SPAG16: variants seen among roughly 807,000 people sequenced by gnomAD.
The protein encoded by SPAG16 is sperm associated antigen 16.
A neutral mutation model predicts 80.4 loss-of-function variants in SPAG16; 86 were observed. The ratio of observed to expected loss-of-function variants is 1.07; its 90% CI spans 0.90 to 1.28. The LOEUF is 1.28. Ranked by LOEUF, SPAG16 falls within the 50% of genes most tolerant of loss-of-function variation. The pLI is 0.00. For synonymous variants in SPAG16, 294 were observed against 265.9 expected, an observed-to-expected ratio of 1.11 and a Z score of -1.03; for missense variants, 870 against 765.3, an observed-to-expected ratio of 1.14 and a Z score of -1.61.
intron 9 of SPAG16, among the ~76,000 whole-genome samples, chr2:213,389,945 C>A (rs914661725): frequency 3.3e-5 from 5 of 152,156 alleles, no homozygotes; most frequent in African/African-American, 1.2e-4. Flanking sequence ...ATGTTCATAG[C>A]AGTGTTACTC....
intron 14 of SPAG16, among the ~76,000 whole-genome samples, chr2:214,146,488 A>T (rs2055644443): frequency 6.6e-6 from 1 of 152,172 alleles, no homozygotes; most frequent in African/African-American, 2.4e-5. Flanking sequence ...CTTTGGAAGG[A>T]CTTGGACCAA....
At chr2:213,429,988 CTAAAAA>C (rs1280095704) in intron 9 of SPAG16, among the ~76,000 whole-genome samples, 1 of 152,124 alleles carries the variant, frequency 6.6e-6, no homozygotes, top group Non-Finnish European at 1.5e-5. Flanking sequence ...CATGTCCTAA[CTAAAAA>C]GAAATACTCA....
intron 11 of SPAG16, among the ~76,000 whole-genome samples, chr2:213,883,607 A>G (rs1333691015): frequency 6.6e-6 from 1 of 152,138 alleles, no homozygotes; most frequent in South Asian, 2.1e-4. Context: ...CAGTCAGTAC[A>G]GTTTTGAAGT....
chr2:213,797,441 A>G lies in SPAG16; in HGVS notation c.1071-65044A>G, dbSNP rs191008823. ...ATCTTTATGCTGGATTTTTAGCATTACTTTTCTATGTTTAGATATGTTTAG... is the reference window on the plus strand; with the variant it reads ...ATCTTTATGCTGGATTTTTAGCATTGCTTTTCTATGTTTAGATATGTTTAG... On this transcript the variant is annotated intron_variant, in intron 10 of 15. Coordinates refer to ENST00000331683, the MANE Select transcript of SPAG16 (RefSeq NM_024532.5). 5.3e-4 allele frequency among the ~76,000 whole-genome samples: 80 copies of G among 152,266 alleles called. 2 individuals carry two copies. The South Asian group carries it at 8.3e-3, about 16-fold the overall frequency.
chr2:213,631,506 C>A (rs2062150505), intron 10 of SPAG16, among the ~76,000 whole-genome samples: 1 of 152,116 alleles, frequency 6.6e-6, no homozygotes. Flanking sequence ...GAGGTAGAGT[C>A]TCGTGGGAAG....
rs554598480 is a variant in SPAG16 at position 214,099,197 on chromosome 2, T to G, written c.1528-8999T>G. 1.9e-4 allele frequency among the ~76,000 whole-genome samples: 29 copies of G among 152,168 alleles called. 1 individual carries two copies. The South Asian group carries it at 5.8e-3, about 30-fold the overall frequency. ...GTGAGCATGGATAGAGAACACTGAG[T>G]CTTTTCCTGGGAGAGTGGTGACTTT... On this transcript the variant is annotated intron_variant, in intron 13 of 15. Coordinates refer to ENST00000331683, the MANE Select transcript of SPAG16 (RefSeq NM_024532.5).
At chr2:213,981,908 C>A (rs1344799789) in intron 12 of SPAG16, among the ~76,000 whole-genome samples, 1 of 149,302 alleles carries the variant, frequency 6.7e-6, no homozygotes, top group African/African-American at 2.6e-5. Context: ...GATTAAAATT[C>A]TAGTTTCTGA....
chr2:213,638,759 A>T (rs550496752), intron 10 of SPAG16, among the ~76,000 whole-genome samples: 1 of 152,200 alleles, frequency 6.6e-6, no homozygotes, highest in South Asian at 2.1e-4. Context: ...TGTTAAGCCC[A>T]TTTGTTCTAG....
At chr2:213,461,709 TA>T (rs890532839) in intron 9 of SPAG16, among the ~76,000 whole-genome samples, 1 of 151,934 alleles carries the variant, frequency 6.6e-6, no homozygotes, top group African/African-American at 2.4e-5. Context: ...AAGTGAAAGT[TA>T]AAAAAAATGT....
chr2:213,943,271 G>A (rs192298733), intron 12 of SPAG16, among the ~76,000 whole-genome samples: 2 of 152,318 alleles, frequency 1.3e-5, no homozygotes, highest in African/African-American at 4.8e-5. Context: ...GTAATGGGTA[G>A]AGTCTGGAAA....
At chr2:214,029,693 A>G (rs1300852904) in intron 13 of SPAG16, among the ~76,000 whole-genome samples, 1 of 152,158 alleles carries the variant, frequency 6.6e-6, no homozygotes, top group African/African-American at 2.4e-5. Flanking sequence ...ATCTTACTCA[A>G]ACTTAACTCT....
At chr2:213,356,381 C>G (rs1225010418) in intron 7 of SPAG16, among the ~76,000 whole-genome samples, 1 of 152,112 alleles carries the variant, frequency 6.6e-6, no homozygotes, top group African/African-American at 2.4e-5. Context: ...TGATCTTGGA[C>G]TTTATTTGGT....
rs146349431 is a variant in SPAG16 at position 213,959,235 on chromosome 2, C to A, written c.1400+29090C>A. Among the ~76,000 whole-genome samples, 17 of 151,942 alleles carry A rather than the reference C, an allele frequency of 1.1e-4. No individual in the cohort carries two copies. The East Asian group carries it at 3.3e-3, about 29-fold the overall frequency. On this transcript the variant is annotated intron_variant, in intron 12 of 15. Transcript: ENST00000331683. ...AATGTAATATGTCTCAGTGTGGTCTCTTTGATTTCATCTTACTTGAAGGTC... is the reference window on the plus strand; with the variant it reads ...AATGTAATATGTCTCAGTGTGGTCTATTTGATTTCATCTTACTTGAAGGTC...
chr2:213,470,210 G>A, intron 9 of SPAG16, among the ~76,000 whole-genome samples: 1 of 152,148 alleles, frequency 6.6e-6, no homozygotes, highest in East Asian at 1.9e-4. Flanking sequence ...ACTTCAAAAG[G>A]CCATTGCACA....
At chr2:214,287,142 A>G (rs912870443) in intron 15 of SPAG16, among the ~76,000 whole-genome samples, 3 of 152,208 alleles carry the variant, frequency 2.0e-5, no homozygotes, top group African/African-American at 7.2e-5. Flanking sequence ...AGCAAATGCC[A>G]TAATCATGCA....
At chr2:213,359,770 G>A (rs1303753218) in intron 7 of SPAG16, among the ~76,000 whole-genome samples, 5 of 152,018 alleles carry the variant, frequency 3.3e-5, no homozygotes, top group African/African-American at 4.8e-5. Flanking sequence ...CTTGCCCTCC[G>A]TGGGCTGCAC....
intron 13 of SPAG16, among the ~76,000 whole-genome samples, chr2:214,076,803 T>A (rs898447859): frequency 6.6e-6 from 1 of 152,104 alleles, no homozygotes; most frequent in Non-Finnish European, 1.5e-5. Flanking sequence ...AAGGGACAGA[T>A]CATGAGGTAG....
intron 10 of SPAG16, among the ~76,000 whole-genome samples, chr2:213,705,624 A>G (rs991915718): frequency 1.1e-4 from 17 of 152,160 alleles, no homozygotes; most frequent in Non-Finnish European, 2.4e-4. Flanking sequence ...TTAGGCAAAA[A>G]TCTAAATAAA....
At chr2:213,654,540 CAAAAAAAAAAAAAA>C (rs36009811) in intron 10 of SPAG16, among the ~76,000 whole-genome samples, 2 of 56,718 alleles carry the variant, frequency 3.5e-5, no homozygotes, top group East Asian at 5.5e-4. Flanking sequence ...ACTAAAAATA[CAAAAAAAAAAAAAA>C]AAAAAAAAAA....
Sources: gnomAD v4.1 joint callset for allele counts (sites outside exome capture counted in the v4.1 genomes callset) on GRCh38, gnomAD v4.1.1 for gene constraint, MANE v1.5 for transcripts, NCBI Gene and HGNC (gene_info 2026-07-23, HGNC 2026-07-21) for gene names.